Variants in ZDHHC3 observed in about 807,000 individuals in gnomAD.
The protein encoded by ZDHHC3 is zDHHC palmitoyltransferase 3.
ZDHHC3 carries 9 observed loss-of-function variants against 30.6 expected under a neutral mutation model. The observed-to-expected ratio is 0.29, with a 90% CI of 0.18 to 0.51. The LOEUF (loss-of-function observed/expected upper bound fraction) is 0.51. Ranked by LOEUF, ZDHHC3 falls within the 20% of genes least tolerant of loss-of-function variation. The pLI, the probability that ZDHHC3 is intolerant of heterozygous loss-of-function variation, is 0.97. For missense variants in ZDHHC3, 246 were observed against 384.2 expected (o/e 0.64, Z 3.01); for synonymous variants, 136 against 140.2 (o/e 0.97, Z 0.21).
intron 2 of ZDHHC3, chr3:44,958,801 C>T (rs1438411223): frequency 1.1e-6 from 1 of 938,264 alleles, no homozygotes; most frequent in Non-Finnish European, 1.6e-6. Flanking sequence ...CATCTGGCCC[C>T]AGTCTTCAAG....
intron 5 of ZDHHC3, chr3:44,932,900 A>T: frequency 6.2e-7 from 1 of 1,614,030 alleles, no homozygotes; most frequent in Non-Finnish European, 8.5e-7. Flanking sequence ...CCAACTCATG[A>T]CTTTACCTGT....
chr3:44,924,055 T>G lies in ZDHHC3; in HGVS notation c.*2634A>C, dbSNP rs954584716. 1.0e-6 allele frequency: 1 copy of G among 985,436 alleles called. No homozygotes were observed. Among genetic ancestry groups the G allele is most frequent in the Non-Finnish European group, 1.2e-6 (1 of 829,938 alleles). 61.0% of individuals were successfully genotyped at this position (985,436 alleles called of 1,614,324 possible). A position where few individuals can be genotyped will look rare whatever the true frequency, so the allele number is the denominator to read the frequency against. On this transcript the variant is annotated 3_prime_UTR_variant, in exon 7 of 7. Transcript: ENST00000424952. Reference sequence around the variant, plus strand: ...CACAATCCAACAAGCCACATCTTTATTTTTCACTTCCACTCCCCAGAGCCC... The same window carrying G: ...CACAATCCAACAAGCCACATCTTTAGTTTTCACTTCCACTCCCCAGAGCCC...
At chr3:44,967,792 T>A (rs760393630) in intron 1 of ZDHHC3, among the ~76,000 whole-genome samples, 1 of 152,210 alleles carries the variant, frequency 6.6e-6, no homozygotes, top group Middle Eastern at 3.2e-3. Flanking sequence ...TTAGTCAAAT[T>A]TTCCTGTTTT....
intron 6 of ZDHHC3, among the ~76,000 whole-genome samples, chr3:44,927,915 C>A (rs1397808540): frequency 6.6e-6 from 1 of 152,206 alleles, no homozygotes; most frequent in Non-Finnish European, 1.5e-5. Flanking sequence ...AGGGAAGACA[C>A]CCCTTCCCAG....
In ZDHHC3 at chr3:44,947,119, G is replaced by C. The variant is rs550643293; in HGVS notation, c.307-1827C>G. 4.6e-5 allele frequency among the ~76,000 whole-genome samples: 7 copies of C among 152,314 alleles called. No individual in the cohort carries two copies. The South Asian group carries it at 1.0e-3, about 23-fold the overall frequency. ...TGGTAGGGAACCAACTTGTTATTGG[G>C]TGGTGGAGAGGGTAACAAAAAGGGA... On this transcript the variant is annotated intron_variant, in intron 2 of 6. Coordinates refer to ENST00000424952, the MANE Select transcript of ZDHHC3 (RefSeq NM_001135179.2).
chr3:44,962,425 G>A lies in ZDHHC3; in HGVS notation c.-24-2965C>T, dbSNP rs114649570. ...GTAACTTCCCAGATAAATGTGACTT[G>A]TTTCCAAGTAGAAACACACTTTAAT... On this transcript the variant is annotated intron_variant, in intron 1 of 6. Transcript: ENST00000424952. 1.6e-3 allele frequency among the ~76,000 whole-genome samples: 239 copies of A among 150,082 alleles called. 1 individual carries two copies. The highest frequency in any genetic ancestry group is 2.8e-3 in the Admixed American group (41 of 14,852).
At position 44,921,209 on chromosome 3, in the gene ZDHHC3, A is replaced by G. The variant is rs144240715; in HGVS notation, c.*5480T>C. On this transcript the variant is annotated 3_prime_UTR_variant, in exon 7 of 7. Coordinates refer to ENST00000424952, the MANE Select transcript of ZDHHC3 (RefSeq NM_001135179.2). The stretch of plus-strand genomic sequence containing the variant: ...CTCACCAACACTCCAAAATGAATGT[A>G]TTAGGACTAAGGCTCCCGAGGAAGG... 248 of 970,810 alleles carry G rather than the reference A, an allele frequency of 2.6e-4. 1 individual carries two copies. In the African/African-American group the frequency reaches 4.5e-3, roughly 18 times the overall value. 60.1% of individuals were successfully genotyped at this position (970,810 alleles called of 1,614,324 possible).
Position 44,976,138 on chromosome 3 carries a change from G to GGCGGCCGCGGCTGCAGGA in ZDHHC3, c.-248_-231dup, listed in dbSNP as rs1224694061. On this transcript the variant is annotated 5_prime_UTR_variant, in exon 1 of 7. Transcript: ENST00000424952. ...CCCATCGAGCTCTCCCGGCAGTGGC[G>GGCGGCCGCGGCTGCAGGA]GCGGCCGCGGCTGCAGGAGCGGCCG... The GGCGGCCGCGGCTGCAGGA allele has an allele frequency of 3.2e-5, 20 of 619,552 alleles. No individual in the cohort carries two copies. Among genetic ancestry groups the GGCGGCCGCGGCTGCAGGA allele is most frequent in the African/African-American group, 2.7e-4 (14 of 51,810 alleles). 38.4% of individuals were successfully genotyped at this position (619,552 alleles called of 1,614,324 possible).
Position 44,922,602 on chromosome 3 carries a change from A to G in ZDHHC3, c.*4087T>C, listed in dbSNP as rs1174563301. ...ACTGCACTATGCTGAGCCCAGCAGC[A>G]CACAAGACCCATATCACCAGCAGGC... On this transcript the variant is annotated 3_prime_UTR_variant, in exon 7 of 7. Coordinates refer to ENST00000424952, the MANE Select transcript of ZDHHC3 (RefSeq NM_001135179.2). 1 of 985,386 alleles carries G rather than the reference A, an allele frequency of 1.0e-6. No homozygotes were observed. Among genetic ancestry groups the G allele is most frequent in the Non-Finnish European group, 1.2e-6 (1 of 829,914 alleles). The allele number at this position is 985,386 out of a possible 1,614,324, so 61.0% of individuals were successfully genotyped here.
chr3:44,967,544 A>T (rs1425178700), intron 1 of ZDHHC3, among the ~76,000 whole-genome samples: 1 of 152,152 alleles, frequency 6.6e-6, no homozygotes, highest in Non-Finnish European at 1.5e-5. Flanking sequence ...TTGGGGGAAA[A>T]AAAAGACACA....
chr3:44,918,055 G>A lies in ZDHHC3; in HGVS notation c.*8634C>T. The A allele has an allele frequency of 6.9e-6, 9 of 1,305,430 alleles. No homozygotes were observed. Among genetic ancestry groups the A allele is most frequent in the Non-Finnish European group, 9.1e-6 (9 of 988,970 alleles). 80.9% of individuals were successfully genotyped at this position (1,305,430 alleles called of 1,614,324 possible). On this transcript the variant is annotated 3_prime_UTR_variant, in exon 7 of 7. Coordinates refer to ENST00000424952, the MANE Select transcript of ZDHHC3 (RefSeq NM_001135179.2). ...GGAGAAGGGGTTGAACCAGTTCAGG[G>A]AGAAGTCCCCACCAAAGGTCTCCTT...
At position 44,925,565 on chromosome 3, in the gene ZDHHC3, G is replaced by C. The variant is rs1221084096; in HGVS notation, c.*1124C>G. The C allele has an allele frequency of 1.0e-6, 1 of 985,380 alleles. No homozygotes were observed. The highest frequency in any genetic ancestry group is 1.7e-5 in the African/African-American group (1 of 57,250). The allele number at this position is 985,380 out of a possible 1,614,324, so 61.0% of individuals were successfully genotyped here. ...CAGTGCCACAGGCTTAGGTGTGTCT[G>C]TGGATTCTGGCCAATGGGATGGCCA... On this transcript the variant is annotated 3_prime_UTR_variant, in exon 7 of 7. Coordinates refer to ENST00000424952, the MANE Select transcript of ZDHHC3 (RefSeq NM_001135179.2).
At chr3:44,934,631 C>T (rs980789000) in intron 3 of ZDHHC3, among the ~76,000 whole-genome samples, 3 of 150,456 alleles carry the variant, frequency 2.0e-5, no homozygotes, top group African/African-American at 7.3e-5. Context: ...GGCGCAGTGG[C>T]CTGTAATCCC....
chr3:44,939,747 G>A (rs1702279009), intron 3 of ZDHHC3, among the ~76,000 whole-genome samples: 2 of 152,210 alleles, frequency 1.3e-5, no homozygotes, highest in South Asian at 2.1e-4. Flanking sequence ...GAGACAAGGC[G>A]TGAATGCCAG....
At chr3:44,929,466 T>C (rs1319773159) in intron 5 of ZDHHC3, 30 bp from the exon 6 acceptor site, 2 of 1,611,938 alleles carry the variant, frequency 1.2e-6, no homozygotes, top group Non-Finnish European at 1.7e-6. Context: ...CAGGGATTGG[T>C]ACTGTCACCC....
chr3:44,918,640 T>C lies in ZDHHC3; in HGVS notation c.*8049A>G, dbSNP rs73085633. ...GAAGGAGTGCAGGACACAAACAGCATGCGAGGTGAAGAAGCGGGTGCTCGT... is the reference window on the plus strand; with the variant it reads ...GAAGGAGTGCAGGACACAAACAGCACGCGAGGTGAAGAAGCGGGTGCTCGT... On this transcript the variant is annotated 3_prime_UTR_variant, in exon 7 of 7. Coordinates refer to ENST00000424952, the MANE Select transcript of ZDHHC3 (RefSeq NM_001135179.2). The C allele has an allele frequency of 0.22, 219,609 of 985,238 alleles. 27,412 individuals carry two copies. Among genetic ancestry groups the C allele is most frequent in the East Asian group, 0.77 (6,742 of 8,790 alleles). 61.0% of individuals were successfully genotyped at this position (985,238 alleles called of 1,614,324 possible). A position where few individuals can be genotyped will look rare whatever the true frequency, so the allele number is the denominator to read the frequency against.
At chr3:44,930,496 T>C (rs1701398734) in intron 5 of ZDHHC3, among the ~76,000 whole-genome samples, 1 of 152,188 alleles carries the variant, frequency 6.6e-6, no homozygotes, top group African/African-American at 2.4e-5. Context: ...TCCATACTTG[T>C]GCCTGTTTCC....
intron 2 of ZDHHC3, 143 bp from the exon 3 acceptor site, chr3:44,945,435 T>C: frequency 8.2e-7 from 1 of 1,222,548 alleles, no homozygotes; most frequent in Non-Finnish European, 1.1e-6. Flanking sequence ...GTGGACTCTG[T>C]GTTCAGAATT....
chr3:44,948,747 G>A (rs1465492358), intron 2 of ZDHHC3, among the ~76,000 whole-genome samples: 2 of 152,202 alleles, frequency 1.3e-5, no homozygotes, highest in Admixed American at 6.5e-5. Flanking sequence ...GGTCCTAGAG[G>A]TGGGCCTACA....
Sources: gnomAD v4.1 joint callset for allele counts (sites outside exome capture counted in the v4.1 genomes callset) on GRCh38, gnomAD v4.1.1 for gene constraint, MANE v1.5 for transcripts, NCBI Gene and HGNC (gene_info 2026-07-23, HGNC 2026-07-21) for gene names.